The following RASGRF2 variants were observed in gnomAD, a reference collection of about 807,000 sequenced individuals.
The protein encoded by RASGRF2 is ras-specific guanine nucleotide-releasing factor 2.
Under a neutral mutation model 151.0 loss-of-function variants are expected in RASGRF2, and 76 were observed. The ratio of observed to expected loss-of-function variants is 0.50; its 90% CI spans 0.42 to 0.61. The LOEUF (loss-of-function observed/expected upper bound fraction) is 0.61. RASGRF2 is among the 20% of genes least tolerant of loss of function. The probability of loss-of-function intolerance (pLI) is 0.00; values close to 1 mark genes in which losing one functional copy is unlikely to be tolerated. For missense variants in RASGRF2, 1,148 were observed against 1,564.6 expected, an observed-to-expected ratio of 0.73 and a Z score of 4.49; for synonymous variants, 504 against 566.5, an observed-to-expected ratio of 0.89 and a Z score of 1.57.
chr5:81,216,487 G>A (rs1464677592), intron 24 of RASGRF2, among the ~76,000 whole-genome samples: 1 of 151,836 alleles, frequency 6.6e-6, no homozygotes, highest in Non-Finnish European at 1.5e-5. Flanking sequence ...GTCCTGTGAT[G>A]GTATGAGTGA....
intron 1 of RASGRF2, among the ~76,000 whole-genome samples, chr5:81,027,672 G>A (rs1440244646): frequency 6.6e-6 from 1 of 152,156 alleles, no homozygotes; most frequent in African/African-American, 2.4e-5. Context: ...AAATTAAAAT[G>A]CCATAGCTTT....
chr5:80,997,885 T>C (rs577470), intron 1 of RASGRF2: 127,239 of 151,276 alleles, frequency 0.84, 53,833 homozygotes, highest in Middle Eastern at 0.93. Context: ...AAGAGAATGG[T>C]GTGAACCTGG....
intron 15 of RASGRF2, among the ~76,000 whole-genome samples, chr5:81,118,321 C>A (rs1753215441): frequency 1.3e-5 from 2 of 152,236 alleles, no homozygotes; most frequent in African/African-American, 4.8e-5. Flanking sequence ...GCCACCAGTG[C>A]TTTCCATGTG....
At chr5:81,180,996 G>C (rs531382933) in intron 18 of RASGRF2, among the ~76,000 whole-genome samples, 51 of 152,170 alleles carry the variant, frequency 3.4e-4, no homozygotes, top group South Asian at 1.2e-3. Context: ...AGGCCCTCCT[G>C]GACACCCACC....
chr5:81,006,121 T>TA (rs1449531381), intron 1 of RASGRF2, among the ~76,000 whole-genome samples: 1 of 152,236 alleles, frequency 6.6e-6, no homozygotes, highest in African/African-American at 2.4e-5. Flanking sequence ...GTGTTTTTAA[T>TA]AAAAATAAAT....
intron 18 of RASGRF2, among the ~76,000 whole-genome samples, chr5:81,188,012 G>A (rs909596952): frequency 4.6e-5 from 7 of 152,164 alleles, no homozygotes; most frequent in Non-Finnish European, 8.8e-5. Flanking sequence ...GTGTGGGCAG[G>A]AGAATGAAAA....
In RASGRF2 at chr5:81,219,784, A is replaced by C; in HGVS notation, c.3621+6A>C. On this transcript the variant is annotated splice_donor_region_variant and intron_variant, in intron 26 of 26. Transcript: ENST00000265080. ...GAATAGATCATCAGCCAAAGGTAAT[A>C]TTATGTGGCTGTGAAGAAATTAATA... 2 of 1,589,038 alleles carry C rather than the reference A, an allele frequency of 1.3e-6. No homozygotes were observed. The highest frequency in any genetic ancestry group is 8.6e-7 in the Non-Finnish European group (1 of 1,158,614).
chr5:81,003,986 C>G (rs907272183), intron 1 of RASGRF2, among the ~76,000 whole-genome samples: 5 of 152,166 alleles, frequency 3.3e-5, no homozygotes, highest in African/African-American at 9.7e-5. Context: ...AACTTTACAT[C>G]AGTGGTGCTA....
intron 17 of RASGRF2, among the ~76,000 whole-genome samples, chr5:81,160,498 C>T (rs1167304830): frequency 6.6e-6 from 1 of 151,638 alleles, no homozygotes; most frequent in African/African-American, 2.4e-5. Context: ...AGTGAAACCC[C>T]ATCTCTACTA....
At chr5:81,173,299 A>AC (rs1754700548) in intron 17 of RASGRF2, among the ~76,000 whole-genome samples, 1 of 151,928 alleles carries the variant, frequency 6.6e-6, no homozygotes. Context: ...AATTGCTTGA[A>AC]CCCGGGAGGC....
intron 1 of RASGRF2, among the ~76,000 whole-genome samples, chr5:80,990,449 T>C (rs1748614756): frequency 6.6e-6 from 1 of 152,102 alleles, no homozygotes; most frequent in Admixed American, 6.5e-5. Context: ...GGGAGGGGGC[T>C]CCAGGAAGAA....
intron 17 of RASGRF2, among the ~76,000 whole-genome samples, chr5:81,159,365 T>TA (rs1326274408): frequency 6.6e-6 from 1 of 152,256 alleles, no homozygotes; most frequent in Non-Finnish European, 1.5e-5. Context: ...TATGAATGCA[T>TA]AGCTGTAGCT....
intron 2 of RASGRF2, among the ~76,000 whole-genome samples, chr5:81,057,030 A>G (rs183929527): frequency 1.6e-3 from 245 of 152,182 alleles, no homozygotes; most frequent in African/African-American, 5.6e-3. Flanking sequence ...GTCTCTGCAC[A>G]TGAGATGGGT....
chr5:81,070,804 A>T (rs1203568136), intron 4 of RASGRF2, among the ~76,000 whole-genome samples: 5 of 152,172 alleles, frequency 3.3e-5, no homozygotes. Context: ...CCAGGCATTA[A>T]GACAATAGTG....
At chr5:81,206,151 G>GA (rs1237780735) in intron 19 of RASGRF2, among the ~76,000 whole-genome samples, 2 of 152,158 alleles carry the variant, frequency 1.3e-5, no homozygotes, top group Non-Finnish European at 2.9e-5. Context: ...CCTCTACTCT[G>GA]AAACCAGTAT....
chr5:80,981,941 G>T (rs1419741896), intron 1 of RASGRF2, among the ~76,000 whole-genome samples: 2 of 152,132 alleles, frequency 1.3e-5, no homozygotes, highest in Non-Finnish European at 2.9e-5. Context: ...TACCTTTAAA[G>T]AAAAATTTTG....
At chr5:81,059,840 C>CCAAAAAA (rs149760659) in intron 2 of RASGRF2, among the ~76,000 whole-genome samples, 23,363 of 150,598 alleles carry the variant, frequency 0.16, 2,176 homozygotes, top group East Asian at 0.35. Flanking sequence ...GGAGACTCCA[C>CCAAAAAA]CAAAAAACAA....
rs372162559 is a variant in RASGRF2 at position 81,208,449 on chromosome 5, G to A, written c.3156+11G>A. ...CAACACTTCAATGACGTGAGTAACC[G>A]TAACAGTAAAACCGTGGGCGTGTCA... On this transcript the variant is annotated intron_variant, in intron 22 of 26. Transcript: ENST00000265080. 112 of 1,529,658 alleles carry A rather than the reference G, an allele frequency of 7.3e-5. 1 individual carries two copies. Among genetic ancestry groups the A allele is most frequent in the South Asian group, 6.7e-4 (60 of 90,018 alleles). 94.8% of individuals were successfully genotyped at this position (1,529,658 alleles called of 1,614,324 possible).
chr5:81,215,781 G>A lies in RASGRF2; in HGVS notation c.3355-95G>A, dbSNP rs144249859. 6.0e-3 allele frequency: 8,132 copies of A among 1,360,996 alleles called. 30 individuals are homozygous for A. Among genetic ancestry groups the A allele is most frequent in the African/African-American group, 0.017 (1,141 of 66,396 alleles). 84.3% of individuals were successfully genotyped at this position (1,360,996 alleles called of 1,614,324 possible). A position where few individuals can be genotyped will look rare whatever the true frequency, so the allele number is the denominator to read the frequency against. ...TATTCTGGCAAAGGTGTCAGCACCTGTCACCAAAGAAGAGAACTGAACATC... is the reference window on the plus strand; with the variant it reads ...TATTCTGGCAAAGGTGTCAGCACCTATCACCAAAGAAGAGAACTGAACATC... On this transcript the variant is annotated intron_variant, in intron 23 of 26. Coordinates refer to ENST00000265080, the MANE Select transcript of RASGRF2 (RefSeq NM_006909.3).
Sources: allele counts gnomAD v4.1 joint callset (sites outside exome capture counted in the v4.1 genomes callset), GRCh38; gene constraint gnomAD v4.1.1; transcripts MANE v1.5; gene names NCBI Gene and HGNC (gene_info 2026-07-23, HGNC 2026-07-21).